Variants in RPS3A observed in about 807,000 individuals in gnomAD.
RPS3A encodes the protein small ribosomal subunit protein eS1.
In RPS3A, 1 loss-of-function variant was observed where a neutral mutation model predicts 26.4. That is an observed-to-expected ratio of 0.04 (90% CI 0.01 to 0.18). The LOEUF is 0.18. RPS3A is among the 10% of genes least tolerant of loss of function. RPS3A has a pLI of 1.00. For missense variants in RPS3A, 139 were observed against 326.8 expected (o/e 0.43, Z 4.43); for synonymous variants, 97 against 106.1 (o/e 0.91, Z 0.53).
intron 4 of RPS3A, chr4:151,103,714 C>T (rs1747230544): frequency 9.2e-7 from 1 of 1,090,378 alleles, no homozygotes; most frequent in Non-Finnish European, 1.1e-6. Flanking sequence ...CCAGCCTGGG[C>T]AATATAGGGA....
intron 4 of RPS3A, chr4:151,103,457 T>C (rs1579558994): frequency 2.1e-6 from 2 of 947,812 alleles, no homozygotes; most frequent in East Asian, 9.6e-5. Context: ...GGTTTCATCA[T>C]GTTGGCCAGG....
At chr4:151,101,771 C>T (rs994150374) in intron 3 of RPS3A, among the ~76,000 whole-genome samples, 1 of 152,090 alleles carries the variant, frequency 6.6e-6, no homozygotes, top group African/African-American at 2.4e-5. Context: ...AGTCTCTTAT[C>T]GTCCGGGCTG....
At chr4:151,104,040 A>C (rs2149705273) in intron 4 of RPS3A, 137 bp from the exon 5 acceptor site, 1 of 1,489,180 alleles carries the variant, frequency 6.7e-7, no homozygotes, top group East Asian at 2.4e-5. Flanking sequence ...GCTTATCTTA[A>C]CAGGAGGATT....
chr4:151,103,864 C>T (rs1747242613), intron 4 of RPS3A: 2 of 1,412,044 alleles, frequency 1.4e-6, no homozygotes, highest in South Asian at 1.1e-5. Context: ...CAGATGATGG[C>T]CAGTGATAAC....
In RPS3A at chr4:151,099,637, C is replaced by T. The variant is rs371700244; in HGVS notation, c.-16C>T. 3.1e-6 allele frequency: 5 copies of T among 1,613,028 alleles called. No homozygotes were observed. Among genetic ancestry groups the T allele is most frequent in the Non-Finnish European group, 2.5e-6 (3 of 1,179,668 alleles). On this transcript the variant is annotated 5_prime_UTR_variant, in exon 1 of 6. Transcript: ENST00000274065. ...GCGACTCCCACTTCCGCCCTTTTGG[C>T]TCTCTGACCAGCACCATGGCGGTTG...
intron 2 of RPS3A, 74 bp from the exon 3 acceptor site, chr4:151,100,901 T>C: frequency 9.8e-7 from 1 of 1,015,312 alleles, no homozygotes. Flanking sequence ...ACTTAATTTC[T>C]ACCCTCAGTT....
intron 3 of RPS3A, chr4:151,102,048 G>T (rs762206338): frequency 1.5e-5 from 8 of 517,950 alleles, no homozygotes; most frequent in Non-Finnish European, 2.3e-5. Flanking sequence ...CGAATATTTT[G>T]TATGTGGGAA....
At chr4:151,103,789 T>C (rs1747236162) in intron 4 of RPS3A, 1 of 1,343,780 alleles carries the variant, frequency 7.4e-7, no homozygotes, top group Non-Finnish European at 9.8e-7. Flanking sequence ...AAAAATACAC[T>C]GAATAGACAA....
chr4:151,100,903 C>T (rs1747088997), intron 2 of RPS3A, 72 bp from the exon 3 acceptor site: 3 of 1,027,208 alleles, frequency 2.9e-6, no homozygotes, highest in African/African-American at 3.2e-5. Context: ...TTAATTTCTA[C>T]CCTCAGTTTA....
At chr4:151,099,927 T>A in intron 1 of RPS3A, 1 of 532,176 alleles carries the variant, frequency 1.9e-6, no homozygotes, top group Non-Finnish European at 3.6e-6. Context: ...CTTGCGCGCG[T>A]CGCGTTTGAG....
rs1451112576 is a variant in RPS3A at position 151,104,189 on chromosome 4, C to T, written c.576C>T (p.Ser192=). 1.2e-6 allele frequency: 2 copies of T among 1,610,232 alleles called. No homozygotes were observed. The highest frequency in any genetic ancestry group is 1.7e-6 in the Non-Finnish European group (2 of 1,179,104). The change falls in exon 5 of 6, where the codon AGC becomes AGT. Residue 192 remains serine (S), a synonymous_variant. Coordinates refer to ENST00000274065, the MANE Select transcript of RPS3A (RefSeq NM_001006.5). The stretch of plus-strand genomic sequence containing the variant: ...TACTGGTTTGCAGGATTCCAGACAG[C>T]ATTGGAAAAGACATAGAAAAGGCTT... The part of the protein sequence containing the change: ...KEVVNKLIPD[S]IGKDIEKACQ...
chr4:151,102,747 C>T, intron 3 of RPS3A, 124 bp from the exon 4 acceptor site: 2 of 1,111,182 alleles, frequency 1.8e-6, no homozygotes, highest in Non-Finnish European at 1.3e-6. Flanking sequence ...AGAGATGTTA[C>T]TTATGTTAGG....
Position 151,099,681 on chromosome 4 carries a change from C to T in RPS3A, c.29C>T (p.Thr10Met), listed in dbSNP as rs747512037. Residue 10 changes from threonine to methionine, a missense_variant, in exon 1 of 6, where the codon ACG (threonine) becomes ATG (methionine). This residue lies in a region of RPS3A where 35 missense variants were observed against 60.1 expected (regional missense o/e 0.58). Transcript: ENST00000274065. MAVGKNKRL[T>M]KGGKKGAKKK... ...GCGGTTGGCAAGAACAAGCGCCTTACGAAAGGCGGCAAAAAGGGAGCCAAG... is the reference window on the plus strand; with the variant it reads ...GCGGTTGGCAAGAACAAGCGCCTTATGAAAGGCGGCAAAAAGGGAGCCAAG... The T allele has an allele frequency of 2.5e-6, 4 of 1,613,970 alleles. No homozygotes were observed. The highest frequency in any genetic ancestry group is 2.2e-5 in the East Asian group (1 of 44,872).
At chr4:151,103,850 G>A (rs779307753) in intron 4 of RPS3A, 39 of 1,393,732 alleles carry the variant, frequency 2.8e-5, no homozygotes, top group Non-Finnish European at 3.6e-5. Context: ...AAAAGTTTCG[G>A]TCCCAGATGA....
chr4:151,103,245 G>GATT, intron 4 of RPS3A, 166 bp downstream of exon 4: 1 of 1,256,446 alleles, frequency 8.0e-7, no homozygotes, highest in Non-Finnish European at 1.1e-6. Flanking sequence ...CAGTAAATAT[G>GATT]ATTATTATTA....
intron 1 of RPS3A, 133 bp downstream of exon 1, chr4:151,099,847 C>A: frequency 1.0e-6 from 1 of 989,816 alleles, no homozygotes; most frequent in Non-Finnish European, 1.6e-6. Context: ...GTTGGTGCAC[C>A]CAGGAACGCG....
In RPS3A at chr4:151,103,258, A is replaced by G. The variant is rs1747210917; in HGVS notation, c.563+179A>G. The G allele has an allele frequency of 9.2e-6, 11 of 1,194,034 alleles. No individual in the cohort carries two copies. In the South Asian group the frequency reaches 1.3e-4, roughly 14 times the overall value. The allele number at this position is 1,194,034 out of a possible 1,614,324, so 74.0% of individuals were successfully genotyped here. ...CTCAGTAAATATGATTATTATTACT[A>G]TTATTATTTGAGTCAGAGTCTTGCT... On this transcript the variant is annotated intron_variant, in intron 4 of 5. Coordinates refer to ENST00000274065, the MANE Select transcript of RPS3A (RefSeq NM_001006.5).
chr4:151,103,225 G>T, intron 4 of RPS3A, 146 bp downstream of exon 4: 1 of 1,359,460 alleles, frequency 7.4e-7, no homozygotes, highest in Non-Finnish European at 9.7e-7. Flanking sequence ...GTGAAAGAGT[G>T]TTAAGTACTC....
intron 5 of RPS3A, 33 bp from the exon 6 acceptor site, chr4:151,104,439 G>GGTT (rs1747274058): frequency 8.4e-6 from 6 of 710,326 alleles, no homozygotes; most frequent in South Asian, 2.3e-5. Flanking sequence ...CAGTTTTTTG[G>GGTT]TTTTTTTTTT....
Sources: gnomAD v4.1 joint callset for allele counts (sites outside exome capture counted in the v4.1 genomes callset) on GRCh38, gnomAD v4.1.1 for gene constraint, gnomAD v4.1.1 regional missense constraint, MANE v1.5 for transcripts, NCBI Gene and HGNC (gene_info 2026-07-23, HGNC 2026-07-21) for gene names.